Variants in CHCHD3 observed in about 807,000 individuals in gnomAD.
CHCHD3 encodes the protein coiled-coil-helix-coiled-coil-helix domain containing 3, also known as MICOS complex subunit MIC19.
CHCHD3 carries 20 observed loss-of-function variants against 38.2 expected under a neutral mutation model. The observed-to-expected ratio is 0.52, with a 90% CI of 0.37 to 0.76. The LOEUF is 0.76. Among genes scored for constraint, CHCHD3 ranks in the 30% least tolerant of loss-of-function variants. The probability of loss-of-function intolerance (pLI) is 0.00; values close to 1 mark genes in which losing one functional copy is unlikely to be tolerated. For synonymous variants in CHCHD3, 82 were observed against 100.0 expected (o/e 0.82, Z 1.07); for missense variants, 245 against 279.2 (o/e 0.88, Z 0.87).
At chr7:132,951,558 C>T (rs1811037134) in intron 4 of CHCHD3, among the ~76,000 whole-genome samples, 2 of 152,098 alleles carry the variant, frequency 1.3e-5, no homozygotes, top group South Asian at 2.1e-4. Flanking sequence ...ACCATATAGC[C>T]TAGGTATGTA....
At chr7:133,007,035 G>C (rs1029554862) in intron 3 of CHCHD3, among the ~76,000 whole-genome samples, 7 of 152,044 alleles carry the variant, frequency 4.6e-5, no homozygotes, top group African/African-American at 1.7e-4. Context: ...TGAGATTATA[G>C]ATGATTTTCA....
At chr7:133,070,403 G>C (rs1374999053) in intron 1 of CHCHD3, among the ~76,000 whole-genome samples, 174 bp from the exon 2 acceptor site, 1 of 152,106 alleles carries the variant, frequency 6.6e-6, no homozygotes, top group Non-Finnish European at 1.5e-5. Context: ...TTAAGATTTC[G>C]AGATGCACCC....
At chr7:132,790,719 C>T (rs1342041334) in intron 7 of CHCHD3, among the ~76,000 whole-genome samples, 3 of 152,148 alleles carry the variant, frequency 2.0e-5, no homozygotes, top group Non-Finnish European at 2.9e-5. Flanking sequence ...TGATTATCTT[C>T]GTGCTCTCTG....
intron 4 of CHCHD3, among the ~76,000 whole-genome samples, chr7:132,913,699 C>T (rs1334944746): frequency 2.0e-5 from 3 of 152,142 alleles, no homozygotes; most frequent in East Asian, 1.9e-4. Context: ...TGAATGATAG[C>T]GGAATCTGCA....
chr7:132,859,431 T>C (rs1808425913), intron 5 of CHCHD3, among the ~76,000 whole-genome samples: 1 of 151,966 alleles, frequency 6.6e-6, no homozygotes, highest in Non-Finnish European at 1.5e-5. Context: ...ACAGGAAAAA[T>C]TGGCTAACAA....
At chr7:133,070,541 T>C (rs1814789545) in intron 1 of CHCHD3, among the ~76,000 whole-genome samples, 1 of 152,160 alleles carries the variant, frequency 6.6e-6, no homozygotes, top group Non-Finnish European at 1.5e-5. Context: ...AAACTTCAAC[T>C]TTCCTCCCCT....
At chr7:132,930,208 CCAGGCTGGAGTG>C in intron 4 of CHCHD3, among the ~76,000 whole-genome samples, 1 of 143,946 alleles carries the variant, frequency 6.9e-6, no homozygotes, top group Non-Finnish European at 1.5e-5. Flanking sequence ...GTTCTGTTAC[CCAGGCTGGAGTG>C]CAGTGGTGCA....
At chr7:132,806,060 AG>A (rs1213442951) in intron 6 of CHCHD3, among the ~76,000 whole-genome samples, 2 of 152,160 alleles carry the variant, frequency 1.3e-5, no homozygotes, top group African/African-American at 4.8e-5. Flanking sequence ...GGACAGCAGA[AG>A]CTTGGGGAAC....
intron 4 of CHCHD3, among the ~76,000 whole-genome samples, chr7:132,953,145 C>T (rs1811071534): frequency 6.6e-6 from 1 of 152,108 alleles, no homozygotes; most frequent in Non-Finnish European, 1.5e-5. Context: ...TAAAATGAGC[C>T]TTATAGAGTC....
intron 4 of CHCHD3, among the ~76,000 whole-genome samples, chr7:132,909,810 T>C (rs1293372285): frequency 6.6e-6 from 1 of 152,220 alleles, no homozygotes; most frequent in Non-Finnish European, 1.5e-5. Context: ...CTATTGACCA[T>C]TTTCTTTTAG....
At chr7:132,836,428 A>T (rs1807784739) in intron 6 of CHCHD3, among the ~76,000 whole-genome samples, 1 of 151,206 alleles carries the variant, frequency 6.6e-6, no homozygotes, top group South Asian at 2.1e-4. Context: ...CGCCATGTCT[A>T]AACTTTCAAC....
intron 4 of CHCHD3, among the ~76,000 whole-genome samples, chr7:132,914,121 GGCGTGTGTGTGT>G (rs1326098569): frequency 1.1e-4 from 12 of 113,968 alleles, no homozygotes; most frequent in African/African-American, 3.9e-4. Flanking sequence ...CACCATGCCT[GGCGTGTGTGTGT>G]GTGTGTGTGT....
At chr7:132,799,531 G>A (rs916837834) in intron 6 of CHCHD3, among the ~76,000 whole-genome samples, 4 of 152,140 alleles carry the variant, frequency 2.6e-5, no homozygotes, top group Non-Finnish European at 1.5e-5. Context: ...AGCAAAGGAC[G>A]ATTAGACAAG....
At chr7:132,975,333 T>C in intron 3 of CHCHD3, 47 bp from the exon 4 acceptor site, 1 of 1,442,656 alleles carries the variant, frequency 6.9e-7, no homozygotes, top group African/African-American at 1.4e-5. Flanking sequence ...TTTTATTAGT[T>C]GACATTATTT....
At chr7:132,921,873 T>C (rs954031893) in intron 4 of CHCHD3, among the ~76,000 whole-genome samples, 3 of 152,220 alleles carry the variant, frequency 2.0e-5, no homozygotes, top group Admixed American at 6.5e-5. Context: ...ACAAAGAATT[T>C]ATATTTTCAG....
intron 4 of CHCHD3, among the ~76,000 whole-genome samples, chr7:132,966,486 G>A (rs1811467334): frequency 6.6e-6 from 1 of 152,208 alleles, no homozygotes; most frequent in Admixed American, 6.5e-5. Flanking sequence ...ATACAGAGCT[G>A]TGATATTCAA....
chr7:132,902,315 T>C (rs1809689527), intron 4 of CHCHD3, among the ~76,000 whole-genome samples: 1 of 152,212 alleles, frequency 6.6e-6, no homozygotes, highest in Non-Finnish European at 1.5e-5. Context: ...ATCCCATTAC[T>C]GGGTATATAC....
At chr7:133,046,756 G>A (rs941001204) in intron 2 of CHCHD3, among the ~76,000 whole-genome samples, 9 of 152,106 alleles carry the variant, frequency 5.9e-5, no homozygotes, top group African/African-American at 2.2e-4. Context: ...GTAGAGACAG[G>A]GTTTCACCGT....
intron 4 of CHCHD3, among the ~76,000 whole-genome samples, chr7:132,963,432 C>T (rs1811374513): frequency 6.9e-6 from 1 of 145,480 alleles, no homozygotes; most frequent in African/African-American, 2.5e-5. Flanking sequence ...GAGATCGAGA[C>T]CATCCTGGCT....
Sources: allele counts gnomAD v4.1 joint callset (sites outside exome capture counted in the v4.1 genomes callset), GRCh38; gene constraint gnomAD v4.1.1; transcripts MANE v1.5; gene names NCBI Gene and HGNC (gene_info 2026-07-23, HGNC 2026-07-21).